COL21A1: variants seen among roughly 807,000 people sequenced by gnomAD.
COL21A1 encodes collagen alpha-1(XXI) chain.
In COL21A1, 149 loss-of-function variants were observed where a neutral mutation model predicts 137.9. The ratio of observed to expected loss-of-function variants is 1.08; its 90% CI spans 0.95 to 1.24. The LOEUF (loss-of-function observed/expected upper bound fraction) is 1.24, where lower values mean the gene tolerates loss of function less well. Among genes scored for constraint, COL21A1 ranks in the 50% most tolerant of loss-of-function variants. COL21A1 has a pLI of 0.00. For missense variants in COL21A1, 1,167 were observed against 1,158.4 expected (o/e 1.01, Z -0.11); for synonymous variants, 456 against 391.5 (o/e 1.16, Z -1.95).
At chr6:56,090,759 T>C (rs1305216441) in intron 17 of COL21A1, among the ~76,000 whole-genome samples, 1 of 152,054 alleles carries the variant, frequency 6.6e-6, no homozygotes, top group African/African-American at 2.4e-5. Flanking sequence ...CAATAATAAA[T>C]ACAATTGAAT....
At chr6:56,094,919 C>G (rs1173474099) in intron 17 of COL21A1, among the ~76,000 whole-genome samples, 1 of 152,096 alleles carries the variant, frequency 6.6e-6, no homozygotes, top group African/African-American at 2.4e-5. Context: ...GATAATCTCC[C>G]CATCAGAAGA....
chr6:56,098,414 A>AAAT (rs1562192011), intron 17 of COL21A1, among the ~76,000 whole-genome samples: 1 of 6,558 alleles, frequency 1.5e-4, no homozygotes, highest in African/African-American at 1.0e-3. Flanking sequence ...AATATATATA[A>AAAT]ATATATAAAT....
At chr6:56,092,910 G>T (rs1346583728) in intron 17 of COL21A1, among the ~76,000 whole-genome samples, 1 of 152,118 alleles carries the variant, frequency 6.6e-6, no homozygotes, top group East Asian at 1.9e-4. Context: ...CTCAAGGGAA[G>T]ATTCCATTAC....
At chr6:56,352,704 T>A (rs1765738319) in intron 1 of COL21A1, among the ~76,000 whole-genome samples, 1 of 152,134 alleles carries the variant, frequency 6.6e-6, no homozygotes, top group African/African-American at 2.4e-5. Context: ...CTCACTAGTA[T>A]AATGGAGAAT....
chr6:56,137,442 A>C (rs897568681), intron 12 of COL21A1, among the ~76,000 whole-genome samples: 1 of 152,224 alleles, frequency 6.6e-6, no homozygotes, highest in African/African-American at 2.4e-5. Context: ...GTCTTACACA[A>C]GCTCAGGCAA....
intron 1 of COL21A1, among the ~76,000 whole-genome samples, chr6:56,236,160 C>T (rs1231146398): frequency 6.6e-6 from 1 of 151,926 alleles, no homozygotes; most frequent in African/African-American, 2.4e-5. Context: ...AAACACAAAC[C>T]ATCTCAAAGA....
intron 17 of COL21A1, among the ~76,000 whole-genome samples, chr6:56,097,374 T>C (rs1308899958): frequency 6.6e-6 from 1 of 152,072 alleles, no homozygotes; most frequent in Non-Finnish European, 1.5e-5. Context: ...ACCTTGTTTG[T>C]CTATCTTTTT....
chr6:56,318,823 T>A (rs113747713), intron 1 of COL21A1, among the ~76,000 whole-genome samples: 2 of 152,278 alleles, frequency 1.3e-5, no homozygotes, highest in African/African-American at 4.8e-5. Flanking sequence ...TTGAGCTCAC[T>A]AGCTGCTAAT....
chr6:56,073,086 A>C (rs914657305), intron 20 of COL21A1, among the ~76,000 whole-genome samples: 1 of 151,358 alleles, frequency 6.6e-6, no homozygotes. Flanking sequence ...GTGTGAGTCA[A>C]CAGTGTGGTG....
At chr6:56,124,673 A>G (rs1397129436) in intron 14 of COL21A1, among the ~76,000 whole-genome samples, 2 of 151,686 alleles carry the variant, frequency 1.3e-5, no homozygotes, top group African/African-American at 2.4e-5. Context: ...ACGGAGTCTC[A>G]CTCTGTTGCC....
intron 17 of COL21A1, among the ~76,000 whole-genome samples, chr6:56,085,093 T>C (rs1768112760): frequency 6.6e-6 from 1 of 152,004 alleles, no homozygotes; most frequent in Non-Finnish European, 1.5e-5. Context: ...CAGGCACCAT[T>C]TCCCCCATTT....
At chr6:56,351,920 T>C (rs1015592175) in intron 1 of COL21A1, among the ~76,000 whole-genome samples, 10 of 152,140 alleles carry the variant, frequency 6.6e-5, no homozygotes, top group African/African-American at 2.4e-4. Flanking sequence ...AGCACTCACT[T>C]TGGACACAAA....
At chr6:56,293,052 C>A (rs1047602002) in intron 1 of COL21A1, among the ~76,000 whole-genome samples, 3 of 152,098 alleles carry the variant, frequency 2.0e-5, no homozygotes, top group Non-Finnish European at 4.4e-5. Flanking sequence ...TGATATTTTT[C>A]AAATCTAGGA....
chr6:56,308,508 T>C (rs1764523881), intron 1 of COL21A1, among the ~76,000 whole-genome samples: 1 of 152,208 alleles, frequency 6.6e-6, no homozygotes, highest in African/African-American at 2.4e-5. Context: ...ATTCTATTAA[T>C]ACGAGGTATA....
At chr6:56,363,310 A>G (rs1327536148) in intron 1 of COL21A1, among the ~76,000 whole-genome samples, 2 of 152,212 alleles carry the variant, frequency 1.3e-5, no homozygotes, top group Non-Finnish European at 2.9e-5. Flanking sequence ...TTTTATTTGC[A>G]GTGATTGCAC....
Position 56,141,755 on chromosome 6 carries a change from A to C in COL21A1, c.1542+30T>G, listed in dbSNP as rs72874298. On this transcript the variant is annotated intron_variant, in intron 12 of 29. Transcript: ENST00000244728. ...CATCCTTTATCTTTGAGGGACTAACACCATTGATTGCATTTTTGTGTGTGT... is the reference window on the plus strand; with the variant it reads ...CATCCTTTATCTTTGAGGGACTAACCCCATTGATTGCATTTTTGTGTGTGT... 0.016 allele frequency: 25,884 copies of C among 1,608,906 alleles called. 303 individuals are homozygous for C. Among genetic ancestry groups the C allele is most frequent in the Non-Finnish European group, 0.02 (23,437 of 1,175,532 alleles).
At position 56,294,435 on chromosome 6, in the gene COL21A1, C is replaced by CTT. The variant is rs555529478; in HGVS notation, c.-39+99534_-39+99535dup. Reference sequence around the variant, plus strand: ...CATATTTTTTGTTTATAATGTTAGGCTTTAGGTTTATAGAAAACTGATCAG... The same window carrying CTT: ...CATATTTTTTGTTTATAATGTTAGGCTTTTTAGGTTTATAGAAAACTGATCAG... On this transcript the variant is annotated intron_variant, in intron 1 of 28. Coordinates refer to the COL21A1 transcript ENST00000370819. Among the ~76,000 whole-genome samples the CTT allele has an allele frequency of 3.9e-5, 6 of 152,018 alleles. 1 individual carries two copies. The South Asian group carries it at 1.2e-3, about 32-fold the overall frequency.
At chr6:56,260,796 C>T (rs1763250527) in intron 1 of COL21A1, among the ~76,000 whole-genome samples, 1 of 146,526 alleles carries the variant, frequency 6.8e-6, no homozygotes, top group South Asian at 2.2e-4. Flanking sequence ...AAGTGGAAGA[C>T]AATTTTGTAT....
chr6:56,074,098 C>G, intron 20 of COL21A1, 134 bp downstream of exon 20: 1 of 577,538 alleles, frequency 1.7e-6, no homozygotes. Flanking sequence ...TTAATTCTTA[C>G]AAGTGATTTT....
Sources: allele counts gnomAD v4.1 joint callset (sites outside exome capture counted in the v4.1 genomes callset), GRCh38; gene constraint gnomAD v4.1.1; transcripts MANE v1.5; gene names NCBI Gene and HGNC (gene_info 2026-07-23, HGNC 2026-07-21).